Variants in EHMT1 observed in about 807,000 individuals in gnomAD.
EHMT1 encodes histone-lysine N-methyltransferase EHMT1.
Under a neutral mutation model 147.2 loss-of-function variants are expected in EHMT1, and 15 were observed. The ratio of observed to expected loss-of-function variants is 0.10; its 90% CI spans 0.07 to 0.16. The LOEUF (loss-of-function observed/expected upper bound fraction) is 0.16, where lower values mean the gene tolerates loss of function less well. Among genes scored for constraint, EHMT1 ranks in the 10% least tolerant of loss-of-function variants. The pLI is 1.00. For missense variants in EHMT1, 1,587 were observed against 1,772.4 expected, an observed-to-expected ratio of 0.90 and a Z score of 1.88; for synonymous variants, 795 against 709.6, an observed-to-expected ratio of 1.12 and a Z score of -1.91.
intron 16 of EHMT1, among the ~76,000 whole-genome samples, chr9:137,797,328 C>G (rs1953045221): frequency 6.6e-6 from 1 of 152,120 alleles, no homozygotes; most frequent in Non-Finnish European, 1.5e-5. Flanking sequence ...GACTCTCAAT[C>G]CCCTCACCCC....
rs188146307 is a variant in EHMT1, at chr9:137,678,796, C to T, written c.22-32171C>T. 3.6e-3 allele frequency among the ~76,000 whole-genome samples: 528 copies of T among 148,278 alleles called. 2 individuals carry two copies. The highest frequency in any genetic ancestry group is 5.7e-3 in the Non-Finnish European group (386 of 67,396). The stretch of plus-strand genomic sequence containing the variant: ...GTCTATCTGACGAGGGAGACGGCTG[C>T]CCAGCAGCTGGCAGATGGGCATTGG... On this transcript the variant is annotated intron_variant, in intron 1 of 26. Transcript: ENST00000460843.
chr9:137,706,091 G>A (rs1169187138), intron 1 of EHMT1, among the ~76,000 whole-genome samples: 1 of 152,092 alleles, frequency 6.6e-6, no homozygotes, highest in African/African-American at 2.4e-5. Flanking sequence ...CATCAGGGGC[G>A]GGGCTAGGCT....
intron 23 of EHMT1, chr9:137,816,298 T>A (rs1303890918): frequency 1.7e-6 from 1 of 589,516 alleles, no homozygotes; most frequent in African/African-American, 1.8e-5. Context: ...GAGCAGGTTG[T>A]TGGGTCAGTC....
intron 18 of EHMT1, chr9:137,803,254 T>C (rs1953652865): frequency 1.1e-5 from 12 of 1,062,424 alleles, no homozygotes; most frequent in Non-Finnish European, 1.4e-5. Flanking sequence ...GTAGGCTGCA[T>C]ATATTCAAAG....
At chr9:137,802,704 TG>T in intron 18 of EHMT1, 1 of 742,632 alleles carries the variant, frequency 1.3e-6, no homozygotes, top group Non-Finnish European at 1.8e-6. Context: ...CCACTGGCTG[TG>T]GGCACCCGCT....
chr9:137,787,617 C>T lies in EHMT1; in HGVS notation c.2383-3231C>T. 3.8e-6 allele frequency: 2 copies of T among 519,926 alleles called. No individual in the cohort carries two copies. The highest frequency in any genetic ancestry group is 6.9e-6 in the Non-Finnish European group (2 of 288,018). The allele number at this position is 519,926 out of a possible 1,614,324, so 32.2% of individuals were successfully genotyped here. A position where few individuals can be genotyped will look rare whatever the true frequency, so the allele number is the denominator to read the frequency against. On this transcript the variant is annotated intron_variant, in intron 15 of 26. Coordinates refer to ENST00000460843, the MANE Select transcript of EHMT1 (RefSeq NM_024757.5). This position sits in a 1 kb window ranked among gnomAD's most constrained non-coding sequence, Gnocchi z 4.2. ...CCGCCTCGCCTTGGCTCCCTGGCAA[C>T]AAGCTGGGGGTGGAAGCGGGAGGGA...
Position 137,708,793 on chromosome 9 carries a change from T to C in EHMT1, c.22-2174T>C, listed in dbSNP as rs543533141. On this transcript the variant is annotated intron_variant, in intron 1 of 26. Transcript: ENST00000460843. ...TCCAGGCCTGAGTGGCATGTCCAGG[T>C]CTGAGTGGCATGTCCAGGCCTGAGT... is the stretch of plus-strand genomic sequence containing the variant. Among the ~76,000 whole-genome samples the C allele has an allele frequency of 2.0e-5, 3 of 152,118 alleles. 1 individual carries two copies. Among genetic ancestry groups the C allele is most frequent in the Middle Eastern group, 6.8e-3 (2 of 294 alleles).
intron 1 of EHMT1, among the ~76,000 whole-genome samples, chr9:137,663,292 A>T (rs1939279814): frequency 6.6e-6 from 1 of 152,128 alleles, no homozygotes; most frequent in African/African-American, 2.4e-5. Flanking sequence ...TTGAGCAGGA[A>T]GAGGCAGTAA....
chr9:137,798,679 G>T, intron 16 of EHMT1, 134 bp from the exon 17 acceptor site: 1 of 789,520 alleles, frequency 1.3e-6, no homozygotes, highest in Non-Finnish European at 2.2e-6. Context: ...CTCAGCCTGG[G>T]TTTCCTTGTC....
chr9:137,627,398 G>A (rs1240977593), intron 1 of EHMT1, among the ~76,000 whole-genome samples: 1 of 151,562 alleles, frequency 6.6e-6, no homozygotes, highest in Middle Eastern at 3.2e-3. Context: ...AAGTAGCTGG[G>A]ATTACAGGTG....
intron 4 of EHMT1, among the ~76,000 whole-genome samples, chr9:137,737,351 C>G (rs559302525): frequency 1.3e-5 from 2 of 152,244 alleles, no homozygotes; most frequent in African/African-American, 4.8e-5. Flanking sequence ...AGAAATAAAC[C>G]TTTGTGTTAT....
chr9:137,676,815 C>T (rs1182992435), intron 1 of EHMT1, among the ~76,000 whole-genome samples: 1 of 152,154 alleles, frequency 6.6e-6, no homozygotes, highest in East Asian at 1.9e-4. Context: ...TTTTCAGTTC[C>T]TGGGTGAGGG....
At chr9:137,646,352 G>A (rs911728546) in intron 1 of EHMT1, 1 of 985,506 alleles carries the variant, frequency 1.0e-6, no homozygotes, top group African/African-American at 1.7e-5. Context: ...CTGGCCTGAG[G>A]AACATTTCAA....
intron 1 of EHMT1, among the ~76,000 whole-genome samples, chr9:137,658,322 T>C (rs1288792900): frequency 6.6e-6 from 1 of 152,074 alleles, no homozygotes; most frequent in Non-Finnish European, 1.5e-5. Context: ...GGTTAATTGT[T>C]GTATTTTTAG....
At chr9:137,757,267 C>T (rs1023791470) in intron 8 of EHMT1, among the ~76,000 whole-genome samples, 1 of 152,222 alleles carries the variant, frequency 6.6e-6, no homozygotes, top group East Asian at 1.9e-4. Context: ...CAGGGGACAC[C>T]GGTCCTTCTC....
chr9:137,637,482 A>T (rs117518424), intron 1 of EHMT1: 6,671 of 152,000 alleles, frequency 0.044, 178 homozygotes, highest in Middle Eastern at 0.094. Context: ...GCCTAAAAAA[A>T]TTTTTTAATT....
intron 9 of EHMT1, among the ~76,000 whole-genome samples, chr9:137,761,444 T>C (rs188612633): frequency 1.3e-5 from 2 of 152,338 alleles, no homozygotes; most frequent in Admixed American, 6.5e-5. Flanking sequence ...TATTTTTAGA[T>C]GTGAAAACAA....
At chr9:137,827,039 G>A (rs1425655808) in intron 25 of EHMT1, among the ~76,000 whole-genome samples, 1 of 152,196 alleles carries the variant, frequency 6.6e-6, no homozygotes, top group African/African-American at 2.4e-5. Context: ...TCCCCCACAC[G>A]TCTGTGCTGT....
rs551940768 is a variant in EHMT1, at chr9:137,642,163, C to T, written c.21+23114C>T. 7.9e-5 allele frequency among the ~76,000 whole-genome samples: 12 copies of T among 152,264 alleles called. No homozygotes were observed. In the South Asian group the frequency reaches 2.5e-3, roughly 32 times the overall value. Reference sequence around the variant, plus strand: ...CCCCAAATTTTTTAATCTATTCCCCCAGTCTCTACTTTTCATGTGGGACAG... The same window carrying T: ...CCCCAAATTTTTTAATCTATTCCCCTAGTCTCTACTTTTCATGTGGGACAG... On this transcript the variant is annotated intron_variant, in intron 1 of 26. Coordinates refer to ENST00000460843, the MANE Select transcript of EHMT1 (RefSeq NM_024757.5).
Sources: allele counts gnomAD v4.1 joint callset (sites outside exome capture counted in the v4.1 genomes callset), GRCh38; gene constraint gnomAD v4.1.1; non-coding constraint Gnocchi (gnomAD v3.1); transcripts MANE v1.5; gene names NCBI Gene and HGNC (gene_info 2026-07-23, HGNC 2026-07-21).